The following RBFOX1 variants were observed in gnomAD, a reference collection of about 807,000 sequenced individuals.
The protein encoded by RBFOX1 is RNA binding protein fox-1 homolog 1.
In RBFOX1, 8 loss-of-function variants were observed where a neutral mutation model predicts 57.7. That is an observed-to-expected ratio of 0.14 (90% confidence interval 0.08 to 0.25). RBFOX1 has a LOEUF of 0.25. Among genes scored for constraint, RBFOX1 ranks in the 10% least tolerant of loss-of-function variants. RBFOX1 has a pLI of 1.00. For missense variants in RBFOX1, 611 were observed against 548.5 expected, an observed-to-expected ratio of 1.11 and a Z score of -1.14; for synonymous variants, 326 against 222.4, an observed-to-expected ratio of 1.47 and a Z score of -4.15.
chr16:7,027,779 T>C (rs1228147413), intron 3 of RBFOX1, among the ~76,000 whole-genome samples: 2 of 152,050 alleles, frequency 1.3e-5, no homozygotes, highest in African/African-American at 4.8e-5. Context: ...TGCATTTTTT[T>C]TTATTTTAAA....
chr16:6,646,188 C>T (rs749103711), intron 2 of RBFOX1, among the ~76,000 whole-genome samples: 2 of 151,998 alleles, frequency 1.3e-5, no homozygotes, highest in South Asian at 4.2e-4. Flanking sequence ...AAGGTCAGGT[C>T]GGAACCCACC....
At chr16:7,652,599 G>T (rs2065309798) in intron 11 of RBFOX1, among the ~76,000 whole-genome samples, 3 of 152,078 alleles carry the variant, frequency 2.0e-5, no homozygotes, top group Admixed American at 6.5e-5. Context: ...GTAGAGATGG[G>T]GTTTCACCGT....
intron 3 of RBFOX1, among the ~76,000 whole-genome samples, chr16:6,992,610 G>C (rs1157771186): frequency 6.6e-6 from 1 of 152,008 alleles, no homozygotes; most frequent in Non-Finnish European, 1.5e-5. Flanking sequence ...GCACATAAAG[G>C]ACTTAAAAAC....
rs77274632 is a variant in RBFOX1 at position 5,483,111 on chromosome 16, A to G, written c.258+15857A>G. Reference sequence around the variant, plus strand: ...AGCCCTGAGTAGGGGAGTCCTAAAAACATTTTACAAAGCATGTCTGTGGGG... The same window carrying G: ...AGCCCTGAGTAGGGGAGTCCTAAAAGCATTTTACAAAGCATGTCTGTGGGG... On this transcript the variant is annotated intron_variant, in intron 2 of 2. Transcript: ENST00000585867. Among the ~76,000 whole-genome samples, 1,426 of 152,230 alleles carry G rather than the reference A, an allele frequency of 9.4e-3. 15 individuals carry two copies. The highest frequency in any genetic ancestry group is 0.029 in the African/African-American group (1,225 of 41,540).
intron 4 of RBFOX1, among the ~76,000 whole-genome samples, chr16:5,922,792 G>A (rs1314461440): frequency 6.6e-6 from 1 of 152,208 alleles, no homozygotes; most frequent in Non-Finnish European, 1.5e-5. Flanking sequence ...GAATTCAGGG[G>A]CTAACGCTCT....
At chr16:5,544,859 T>C (rs1016625849) in intron 2 of RBFOX1, among the ~76,000 whole-genome samples, 14 of 151,582 alleles carry the variant, frequency 9.2e-5, no homozygotes, top group Non-Finnish European at 1.0e-4. Flanking sequence ...GGTAACCGTA[T>C]TAACCCTATA....
chr16:6,585,571 C>T (rs183559426), intron 2 of RBFOX1, among the ~76,000 whole-genome samples: 62 of 152,158 alleles, frequency 4.1e-4, no homozygotes, highest in East Asian at 1.9e-4. Flanking sequence ...TAATTCACTG[C>T]GGTGGGCTGG....
At chr16:6,571,316 G>A (rs1402409388) in intron 2 of RBFOX1, among the ~76,000 whole-genome samples, 1 of 152,188 alleles carries the variant, frequency 6.6e-6, no homozygotes, top group Non-Finnish European at 1.5e-5. Context: ...GAGCAAGGAA[G>A]CTGCAGGGGG....
intron 3 of RBFOX1, among the ~76,000 whole-genome samples, chr16:7,012,915 A>G (rs2093720741): frequency 6.6e-6 from 1 of 152,128 alleles, no homozygotes; most frequent in African/African-American, 2.4e-5. Flanking sequence ...GGGTGCCAAG[A>G]TGGTCAGGTC....
At chr16:7,489,669 C>G (rs527695725) in intron 4 of RBFOX1, among the ~76,000 whole-genome samples, 1 of 152,016 alleles carries the variant, frequency 6.6e-6, no homozygotes, top group East Asian at 1.9e-4. Flanking sequence ...GCACACACCA[C>G]TATGCCCAGA....
chr16:7,251,818 A>G (rs1015190090), intron 4 of RBFOX1, among the ~76,000 whole-genome samples: 7 of 152,130 alleles, frequency 4.6e-5, no homozygotes, highest in African/African-American at 1.7e-4. Context: ...ATCCCTTCAA[A>G]ATACTGATTT....
At chr16:7,242,912 C>T (rs576981979) in intron 4 of RBFOX1, among the ~76,000 whole-genome samples, 3 of 152,290 alleles carry the variant, frequency 2.0e-5, no homozygotes, top group East Asian at 1.9e-4. Flanking sequence ...CATTTTCATC[C>T]TGCATATGGG....
chr16:7,216,514 T>A (rs923466172), intron 4 of RBFOX1, among the ~76,000 whole-genome samples: 1 of 152,084 alleles, frequency 6.6e-6, no homozygotes, highest in African/African-American at 2.4e-5. Context: ...AGCGTCTACT[T>A]CATGGGTTAT....
chr16:6,809,025 C>T (rs1403303592), intron 3 of RBFOX1, among the ~76,000 whole-genome samples: 2 of 152,148 alleles, frequency 1.3e-5, no homozygotes, highest in Admixed American at 6.5e-5. Context: ...TAGGAGTATG[C>T]ACCTGTAACA....
At chr16:5,888,244 C>G (rs1597648694) in intron 4 of RBFOX1, among the ~76,000 whole-genome samples, 1 of 152,200 alleles carries the variant, frequency 6.6e-6, no homozygotes, top group Admixed American at 6.5e-5. Context: ...TCCACTTGGC[C>G]AGGTCCTCTT....
rs77831711 is a variant in RBFOX1, at chr16:6,027,163, G to A, written c.-127+7171G>A. On this transcript the variant is annotated intron_variant, in intron 1 of 15. Coordinates refer to ENST00000550418, the MANE Select transcript of RBFOX1 (RefSeq NM_018723.4). The stretch of plus-strand genomic sequence containing the variant: ...TCAAAATTGTCTTCTTTGTACCATG[G>A]TTGGGACCCTAATAGCTATGACACT... 8.4e-3 allele frequency among the ~76,000 whole-genome samples: 1,282 copies of A among 152,244 alleles called. 26 individuals are homozygous for A. The highest frequency in any genetic ancestry group is 0.029 in the African/African-American group (1,202 of 41,554).
At chr16:7,001,303 G>A (rs988157863) in intron 3 of RBFOX1, among the ~76,000 whole-genome samples, 2 of 151,994 alleles carry the variant, frequency 1.3e-5, no homozygotes, top group African/African-American at 4.8e-5. Context: ...GTGACAAGGT[G>A]TTCCTGGTCA....
At chr16:6,602,735 T>TG (rs5815332) in intron 2 of RBFOX1, among the ~76,000 whole-genome samples, 43,992 of 152,026 alleles carry the variant, frequency 0.29, 6,613 homozygotes, top group African/African-American at 0.37. Context: ...TGCAATTTTT[T>TG]TTCCACTTGC....
chr16:5,478,935 A>G lies in RBFOX1; in HGVS notation c.258+11681A>G, dbSNP rs551945260. Among the ~76,000 whole-genome samples, 54 of 152,296 alleles carry G rather than the reference A, an allele frequency of 3.5e-4. No individual in the cohort carries two copies. The South Asian group carries it at 0.011, about 30-fold the overall frequency. ...GGATGAGGGCAGAGGTGGGATCCTC[A>G]CTATCACTAGCTGCAGGGCACCAGA... On this transcript the variant is annotated intron_variant, in intron 2 of 2. Coordinates refer to the RBFOX1 transcript ENST00000585867.
Sources: allele counts gnomAD v4.1 joint callset (sites outside exome capture counted in the v4.1 genomes callset), GRCh38; gene constraint gnomAD v4.1.1; transcripts MANE v1.5; gene names NCBI Gene and HGNC (gene_info 2026-07-23, HGNC 2026-07-21).